The following ARHGAP17 variants were observed in gnomAD, a reference collection of about 807,000 sequenced individuals.
ARHGAP17 encodes the protein Rho GTPase activating protein 17, also known as rho GTPase-activating protein 17.
Under a neutral mutation model 99.5 loss-of-function variants are expected in ARHGAP17, and 57 were observed. That is an observed-to-expected ratio of 0.57 (90% CI 0.46 to 0.71). ARHGAP17 has a LOEUF of 0.71. ARHGAP17 is among the 30% of genes least tolerant of loss of function. The pLI, the probability that ARHGAP17 is intolerant of heterozygous loss-of-function variation, is 0.00. For missense variants in ARHGAP17, 1,000 were observed against 1,122.4 expected (o/e 0.89, Z 1.56); for synonymous variants, 417 against 429.6 (o/e 0.97, Z 0.36).
chr16:24,981,709 TCA>T (rs772622831), intron 1 of ARHGAP17, among the ~76,000 whole-genome samples: 2 of 152,214 alleles, frequency 1.3e-5, no homozygotes, highest in Non-Finnish European at 2.9e-5. Flanking sequence ...ACTACATGAA[TCA>T]CAGTTTTGAG....
intron 1 of ARHGAP17, among the ~76,000 whole-genome samples, chr16:24,989,096 CT>C (rs2052958287): frequency 6.6e-6 from 1 of 152,194 alleles, no homozygotes; most frequent in Admixed American, 6.5e-5. Context: ...CTAGGAGGAG[CT>C]GAAAAGCCAC....
intron 6 of ARHGAP17, among the ~76,000 whole-genome samples, chr16:24,965,085 C>T (rs1000649402): frequency 6.6e-6 from 1 of 152,190 alleles, no homozygotes; most frequent in African/African-American, 2.4e-5. Context: ...TTCAAATGTG[C>T]TTTGACCTTC....
At chr16:24,920,537 C>T in intron 19 of ARHGAP17, 1 of 343,386 alleles carries the variant, frequency 2.9e-6, no homozygotes, top group Non-Finnish European at 5.5e-6. Flanking sequence ...GATTTGCTTG[C>T]TTTGATGGAG....
At chr16:24,960,933 A>G (rs766122045) in intron 7 of ARHGAP17, among the ~76,000 whole-genome samples, 9 of 152,060 alleles carry the variant, frequency 5.9e-5, no homozygotes, top group Non-Finnish European at 1.0e-4. Context: ...GTGCAGTGGC[A>G]CAATCTTGGC....
intron 6 of ARHGAP17, among the ~76,000 whole-genome samples, chr16:24,967,743 G>C (rs1035582435): frequency 2.2e-5 from 3 of 139,240 alleles, no homozygotes; most frequent in Non-Finnish European, 4.5e-5. Flanking sequence ...AGCTATGATC[G>C]CACCAGCCTG....
chr16:24,995,162 G>C (rs4787663), intron 1 of ARHGAP17, among the ~76,000 whole-genome samples: 75,711 of 152,046 alleles, frequency 0.5, 20,431 homozygotes, highest in African/African-American at 0.72. Flanking sequence ...TACCTCCCAT[G>C]GGATCCCTTC....
In ARHGAP17 at chr16:24,952,312, A is replaced by T; in HGVS notation, c.1023T>A (p.Tyr341Ter). 1 of 1,612,838 alleles carries T rather than the reference A, an allele frequency of 6.2e-7. No homozygotes were observed. Among genetic ancestry groups the T allele is most frequent in the Non-Finnish European group, 8.5e-7 (1 of 1,179,540 alleles). Reference protein sequence around the residue: ...LPEPLMTFNLYEEWTQVASVQ... With the variant: ...LPEPLMTFNL ...ACCTTGCAACTTGTGTCCATTCTTC[A>T]TACAGATTAAAAGTCATCAAAGGTT... The change falls in exon 12 of 20, where the codon TAT becomes TAA. Residue 341 changes from tyrosine to a stop codon, truncating the protein, a stop_gained. Coordinates refer to ENST00000289968, the MANE Select transcript of ARHGAP17 (RefSeq NM_001006634.3). LOFTEE classifies it high-confidence loss of function.
At chr16:24,949,541 A>C in intron 12 of ARHGAP17, 57 bp from the exon 13 acceptor site, 1 of 1,467,842 alleles carries the variant, frequency 6.8e-7, no homozygotes. Flanking sequence ...TATCTTATTA[A>C]TATGCTATGT....
chr16:24,928,660 T>C (rs1403822729), intron 19 of ARHGAP17, among the ~76,000 whole-genome samples: 1 of 152,172 alleles, frequency 6.6e-6, no homozygotes, highest in Non-Finnish European at 1.5e-5. Flanking sequence ...CAGAAAGTCT[T>C]ACTCAGACCT....
chr16:24,929,063 T>G (rs533160252), intron 19 of ARHGAP17, among the ~76,000 whole-genome samples: 72 of 152,060 alleles, frequency 4.7e-4, no homozygotes, highest in Non-Finnish European at 8.8e-4. Context: ...CCTCTTTGGT[T>G]GGATGCTGGT....
At chr16:24,925,871 G>A (rs990820593) in intron 19 of ARHGAP17, among the ~76,000 whole-genome samples, 1 of 152,146 alleles carries the variant, frequency 6.6e-6, no homozygotes, top group African/African-American at 2.4e-5. Context: ...AGCACTTTGG[G>A]AGGCCGAGAC....
At chr16:24,935,337 G>T in intron 18 of ARHGAP17, 133 bp downstream of exon 18, 1 of 1,130,246 alleles carries the variant, frequency 8.8e-7, no homozygotes, top group Non-Finnish European at 1.2e-6. Context: ...TTGAATGACT[G>T]AATTTTCTGC....
chr16:24,973,723 T>C (rs918150906), intron 3 of ARHGAP17, among the ~76,000 whole-genome samples: 2 of 152,250 alleles, frequency 1.3e-5, no homozygotes, highest in African/African-American at 4.8e-5. Context: ...TCTTGTTTTA[T>C]AATGATCCAT....
chr16:24,949,526 C>G, intron 12 of ARHGAP17, 42 bp from the exon 13 acceptor site: 1 of 1,527,970 alleles, frequency 6.5e-7, no homozygotes, highest in African/African-American at 1.4e-5. Context: ...TATTAAGACA[C>G]CAATTATCTT....
chr16:24,990,878 G>A (rs763426904), intron 1 of ARHGAP17, among the ~76,000 whole-genome samples: 2 of 151,158 alleles, frequency 1.3e-5, no homozygotes, highest in African/African-American at 2.4e-5. Flanking sequence ...GTGGCAGAAC[G>A]AGCAGCAGGA....
intron 10 of ARHGAP17, 72 bp from the exon 11 acceptor site, chr16:24,953,114 A>T (rs2051694197): frequency 7.2e-7 from 1 of 1,390,872 alleles, no homozygotes; most frequent in Non-Finnish European, 1.0e-6. Context: ...GTGTGTTCTG[A>T]TGGGTATTTC....
At chr16:24,937,034 G>C (rs2051159188) in intron 17 of ARHGAP17, among the ~76,000 whole-genome samples, 1 of 151,676 alleles carries the variant, frequency 6.6e-6, no homozygotes, top group African/African-American at 2.4e-5. Flanking sequence ...AAGATCGCTT[G>C]AGCCTGGGAG....
chr16:24,978,621 C>G (rs1950263158), intron 2 of ARHGAP17, among the ~76,000 whole-genome samples: 2 of 152,148 alleles, frequency 1.3e-5, no homozygotes, highest in Non-Finnish European at 2.9e-5. Context: ...AGTGCTGTTC[C>G]TGCTTAACTC....
intron 1 of ARHGAP17, 127 bp from the exon 2 acceptor site, chr16:24,979,132 G>A: frequency 3.1e-6 from 2 of 648,616 alleles, no homozygotes; most frequent in Non-Finnish European, 5.1e-6. Context: ...GGTTGGCAGG[G>A]GCAGTTTACC....
Sources: gnomAD v4.1 joint callset for allele counts (sites outside exome capture counted in the v4.1 genomes callset) on GRCh38, gnomAD v4.1.1 for gene constraint, MANE v1.5 for transcripts, NCBI Gene and HGNC (gene_info 2026-07-23, HGNC 2026-07-21) for gene names.